PLAAT5: variants seen among roughly 807,000 people sequenced by gnomAD.
PLAAT5 encodes Ca(2+)-independent N-acyltransferase.
A neutral mutation model predicts 27.8 loss-of-function variants in PLAAT5; 27 were observed. The observed-to-expected ratio is 0.97, with a 90% CI of 0.72 to 1.34. PLAAT5 has a LOEUF of 1.34. Ranked by LOEUF, PLAAT5 falls within the 40% of genes most tolerant of loss-of-function variation. The pLI is 0.00. For synonymous variants in PLAAT5, 125 were observed against 136.1 expected, an observed-to-expected ratio of 0.92 and a Z score of 0.57; for missense variants, 368 against 343.8, an observed-to-expected ratio of 1.07 and a Z score of -0.56.
In PLAAT5 at chr11:63,463,527, T is replaced by C. The variant is rs1259414620; in HGVS notation, c.786A>G (p.Ile262Met). 2 of 1,613,852 alleles carry C rather than the reference T, an allele frequency of 1.2e-6. No homozygotes were observed. Among genetic ancestry groups the C allele is most frequent in the South Asian group, 2.2e-5 (2 of 91,076 alleles). ...GAVISAVVDS[I>M]KPKPITA is the part of the protein sequence containing the mutation. ...TTCAGGCAGTTATTGGTTTGGGCTT[T>C]ATGCTATCCACTACAGCTGAAATAA... Residue 262 changes from isoleucine to methionine, a missense_variant, in exon 6 of 6, where the codon ATA becomes ATG. Coordinates refer to ENST00000540857, the MANE Select transcript of PLAAT5 (RefSeq NM_001146729.2).
intron 3 of PLAAT5, among the ~76,000 whole-genome samples, chr11:63,483,825 A>ATG (rs1759643584): frequency 1.7e-5 from 2 of 114,612 alleles, no homozygotes; most frequent in African/African-American, 3.1e-5. Flanking sequence ...ATATATATAT[A>ATG]TATATATATA....
Position 63,487,271 on chromosome 11 carries a change from A to G in PLAAT5, c.345+1600T>C, listed in dbSNP as rs376872334. 3.5e-4 allele frequency among the ~76,000 whole-genome samples: 54 copies of G among 152,326 alleles called. No homozygotes were observed. The South Asian group carries it at 0.011, about 30-fold the overall frequency. The stretch of plus-strand genomic sequence containing the variant: ...AAACCAATAGGAAAAAATGGGCAAA[A>G]GATTTGAACACTTCACCAAAGATTA... On this transcript the variant is annotated intron_variant, in intron 3 of 5. Coordinates refer to ENST00000540857, the MANE Select transcript of PLAAT5 (RefSeq NM_001146729.2).
rs552410901 is a variant in PLAAT5 at position 63,478,299 on chromosome 11, GTTCT to G, written c.346-9838_346-9835del. 2.0e-3 allele frequency among the ~76,000 whole-genome samples: 303 copies of G among 151,800 alleles called. 2 individuals carry two copies. In the Middle Eastern group the frequency reaches 0.045, roughly 22 times the overall value. On this transcript the variant is annotated intron_variant, in intron 3 of 5. Transcript: ENST00000540857. ...TGCTAAAACACTACAGACTTCCACTGTTCTTTCTGAGAACCAATAGACTTTCTTT... is the reference window on the plus strand; with the variant it reads ...TGCTAAAACACTACAGACTTCCACTGTTCTGAGAACCAATAGACTTTCTTT...
intron 1 of PLAAT5, 116 bp from the exon 2 acceptor site, chr11:63,490,449 G>A: frequency 6.5e-7 from 1 of 1,545,058 alleles, no homozygotes; most frequent in Non-Finnish European, 8.8e-7. Flanking sequence ...CTGGCCCCTG[G>A]TTAGGCCTCA....
rs747115042 is a variant in PLAAT5 at position 63,463,521 on chromosome 11, G to C, written c.792C>G (p.Pro264=). Residue 264 remains proline, a synonymous_variant, in exon 6 of 6, where the codon CCC becomes CCG. Coordinates refer to ENST00000540857, the MANE Select transcript of PLAAT5 (RefSeq NM_001146729.2). The part of the protein sequence containing the change: ...VISAVVDSIK[P]KPITA ...ATCACCTTCAGGCAGTTATTGGTTT[G>C]GGCTTTATGCTATCCACTACAGCTG... 1.2e-6 allele frequency: 2 copies of C among 1,613,470 alleles called. No homozygotes were observed. The highest frequency in any genetic ancestry group is 2.2e-5 in the South Asian group (2 of 91,080).
intron 5 of PLAAT5, 102 bp from the exon 6 acceptor site, chr11:63,463,697 G>C: frequency 1.2e-6 from 1 of 857,724 alleles, no homozygotes; most frequent in Non-Finnish European, 2.0e-6. Flanking sequence ...AGCCTGTCTG[G>C]AGTCTATTCC....
At chr11:63,472,154 A>G (rs1393581574) in intron 3 of PLAAT5, among the ~76,000 whole-genome samples, 8 of 152,142 alleles carry the variant, frequency 5.3e-5, no homozygotes. Flanking sequence ...AATTTTACCT[A>G]TGTAACAAAC....
intron 3 of PLAAT5, among the ~76,000 whole-genome samples, chr11:63,473,706 GTTT>G (rs201090137): frequency 8.5e-6 from 1 of 117,680 alleles, no homozygotes. Context: ...TTTTTTTGTT[GTTT>G]TTTTTTTTTT....
At chr11:63,465,379 T>TGTGTAATTCAAACAAAAA (rs2015833229) in intron 5 of PLAAT5, among the ~76,000 whole-genome samples, 1 of 144,824 alleles carries the variant, frequency 6.9e-6, no homozygotes, top group East Asian at 2.0e-4. Context: ...AAAGTGTGTG[T>TGTGTAATTCAAACAAAAA]GTGTGTGTGT....
chr11:63,480,843 A>C (rs2016267129), intron 3 of PLAAT5, among the ~76,000 whole-genome samples: 1 of 152,198 alleles, frequency 6.6e-6, no homozygotes. Context: ...AGCCGCCTCC[A>C]ATCCCAGTTG....
intron 3 of PLAAT5, among the ~76,000 whole-genome samples, chr11:63,483,827 A>ATGTATGTATATATATATATATATATATG (rs1385345810): frequency 9.1e-6 from 1 of 109,796 alleles, no homozygotes; most frequent in Non-Finnish European, 1.9e-5. Flanking sequence ...ATATATATAT[A>ATGTATGTATATATATATATATATATATG]TATATATATA....
At chr11:63,481,289 A>T (rs1278584818) in intron 3 of PLAAT5, among the ~76,000 whole-genome samples, 1 of 152,074 alleles carries the variant, frequency 6.6e-6, no homozygotes, top group Admixed American at 6.6e-5. Flanking sequence ...AAACTACAAA[A>T]ATTAGTGAGA....
intron 5 of PLAAT5, 24 bp downstream of exon 5, chr11:63,466,086 T>C: frequency 1.9e-6 from 3 of 1,605,746 alleles, no homozygotes; most frequent in Non-Finnish European, 2.6e-6. Context: ...GAAGAAGCCA[T>C]CATCAGAGCA....
At chr11:63,464,730 A>C (rs1483533260) in intron 5 of PLAAT5, among the ~76,000 whole-genome samples, 2 of 152,206 alleles carry the variant, frequency 1.3e-5, no homozygotes, top group African/African-American at 4.8e-5. Flanking sequence ...ATCACCTATT[A>C]ACATGAATAG....
chr11:63,486,447 C>T (rs568653498), intron 3 of PLAAT5, among the ~76,000 whole-genome samples: 29 of 152,196 alleles, frequency 1.9e-4, no homozygotes, highest in African/African-American at 6.7e-4. Context: ...CACACACACA[C>T]ATACACACAC....
At chr11:63,472,185 C>A (rs1030689591) in intron 3 of PLAAT5, among the ~76,000 whole-genome samples, 1 of 151,980 alleles carries the variant, frequency 6.6e-6, no homozygotes, top group African/African-American at 2.4e-5. Flanking sequence ...TGCACACATA[C>A]CCCAGAACTT....
chr11:63,490,663 C>G, intron 1 of PLAAT5: 3 of 612,388 alleles, frequency 4.9e-6, no homozygotes, highest in Non-Finnish European at 8.5e-6. Context: ...GAGCTGCCAC[C>G]ACTGCCTCAC....
In PLAAT5 at chr11:63,466,109, C is replaced by T. The variant is rs750538003; in HGVS notation, c.717+1G>A. On this transcript the variant is annotated splice_donor_variant, in intron 5 of 5. Coordinates refer to ENST00000540857, the MANE Select transcript of PLAAT5 (RefSeq NM_001146729.2). LOFTEE classifies it high-confidence loss of function. Reference sequence around the variant, plus strand: ...CATCATCAGAGCAAATGGGGTCACACCTGCTGGCTCCGGGGTACGCCATAT... The same window carrying T: ...CATCATCAGAGCAAATGGGGTCACATCTGCTGGCTCCGGGGTACGCCATAT... 1 of 1,613,190 alleles carries T rather than the reference C, an allele frequency of 6.2e-7. No homozygotes were observed. The highest frequency in any genetic ancestry group is 2.2e-5 in the East Asian group (1 of 44,882).
At chr11:63,472,936 T>C (rs186992581) in intron 3 of PLAAT5, among the ~76,000 whole-genome samples, 2 of 151,702 alleles carry the variant, frequency 1.3e-5, no homozygotes, top group East Asian at 3.9e-4. Flanking sequence ...AAACCCCATC[T>C]CTATTAAAAA....
Sources: allele counts gnomAD v4.1 joint callset (sites outside exome capture counted in the v4.1 genomes callset), GRCh38; gene constraint gnomAD v4.1.1; transcripts MANE v1.5; gene names NCBI Gene and HGNC (gene_info 2026-07-23, HGNC 2026-07-21).